Variants in PDE1C observed in about 807,000 individuals in gnomAD.
The protein encoded by PDE1C is dual specificity calcium/calmodulin-dependent 3',5'-cyclic nucleotide phosphodiesterase 1C.
In PDE1C, 62 loss-of-function variants were observed where a neutral mutation model predicts 93.1. The ratio of observed to expected loss-of-function variants is 0.67; its 90% confidence interval spans 0.54 to 0.82. PDE1C has a LOEUF of 0.82. Ranked by LOEUF, PDE1C falls within the 40% of genes least tolerant of loss-of-function variation. The pLI is 0.00. For missense variants in PDE1C, 742 were observed against 884.6 expected, an observed-to-expected ratio of 0.84 and a Z score of 2.04; for synonymous variants, 325 against 310.1, an observed-to-expected ratio of 1.05 and a Z score of -0.50.
chr7:32,362,223 A>G (rs1243459504), intron 1 of PDE1C, among the ~76,000 whole-genome samples: 3 of 152,074 alleles, frequency 2.0e-5, no homozygotes, highest in African/African-American at 7.2e-5. Context: ...GCGTGTGTGC[A>G]TGGATGGAGT....
intron 1 of PDE1C, among the ~76,000 whole-genome samples, chr7:32,420,882 G>C (rs1422189200): frequency 1.3e-5 from 2 of 152,034 alleles, no homozygotes; most frequent in African/African-American, 2.4e-5. Context: ...CCGTTTTCCT[G>C]ATCTCAGCCA....
chr7:32,366,350 T>C (rs1784228421), intron 1 of PDE1C, among the ~76,000 whole-genome samples: 1 of 152,066 alleles, frequency 6.6e-6, no homozygotes, highest in Non-Finnish European at 1.5e-5. Context: ...TTTCTGAACT[T>C]GGAGACAGGT....
At chr7:31,784,083 T>C (rs1363307716) in intron 16 of PDE1C, 1 of 152,202 alleles carries the variant, frequency 6.6e-6, no homozygotes, top group Non-Finnish European at 1.5e-5. Flanking sequence ...TCTTGCTAAA[T>C]GTTCTTGATA....
At chr7:31,959,269 G>T (rs1290578954) in intron 2 of PDE1C, among the ~76,000 whole-genome samples, 1 of 152,120 alleles carries the variant, frequency 6.6e-6, no homozygotes, top group Non-Finnish European at 1.5e-5. Flanking sequence ...GGAATGCAGT[G>T]GCTCAATCTC....
chr7:32,194,945 G>C (rs187882594), intron 2 of PDE1C, among the ~76,000 whole-genome samples: 60 of 151,118 alleles, frequency 4.0e-4, no homozygotes, highest in African/African-American at 1.2e-3. Context: ...CTCAATAGTT[G>C]TACTAGATAT....
chr7:31,864,066 T>C (rs1339391453), intron 7 of PDE1C, among the ~76,000 whole-genome samples: 2 of 152,140 alleles, frequency 1.3e-5, no homozygotes, highest in Admixed American at 6.5e-5. Flanking sequence ...CTAAAGGAGA[T>C]TTCGAAGTAA....
At chr7:31,760,734 A>G (rs943001224) in intron 17 of PDE1C, among the ~76,000 whole-genome samples, 4 of 149,828 alleles carry the variant, frequency 2.7e-5, no homozygotes, top group African/African-American at 9.9e-5. Flanking sequence ...ACTTTCTCCT[A>G]TAGACACTTT....
chr7:31,857,516 A>C (rs545591143), intron 7 of PDE1C, among the ~76,000 whole-genome samples: 4 of 152,262 alleles, frequency 2.6e-5, no homozygotes, highest in Non-Finnish European at 5.9e-5. Context: ...TTGCAAAGGT[A>C]CATCAGCCAT....
Position 32,193,790 on chromosome 7 carries a change from G to C in PDE1C, c.136+15699C>G, listed in dbSNP as rs527719979. 2.0e-3 allele frequency among the ~76,000 whole-genome samples: 301 copies of C among 152,168 alleles called. 1 individual carries two copies. Among genetic ancestry groups the C allele is most frequent in the African/African-American group, 6.9e-3 (287 of 41,530 alleles). On this transcript the variant is annotated intron_variant, in intron 2 of 18. Transcript: ENST00000396193. Reference sequence around the variant, plus strand: ...ACCATGTGGACTCAAGAGATTGCGGGGGGAGGACAGCTTTTTATTACATAC... The same window carrying C: ...ACCATGTGGACTCAAGAGATTGCGGCGGGAGGACAGCTTTTTATTACATAC...
rs1351875562 is a variant in PDE1C, at chr7:31,752,060, G to C, written c.*1324C>G. The C allele has an allele frequency of 2.0e-5, 3 of 152,196 alleles. No homozygotes were observed. The highest frequency in any genetic ancestry group is 4.4e-5 in the Non-Finnish European group (3 of 68,044). The allele number at this position is 152,196 out of a possible 1,614,324, so 9.4% of individuals were successfully genotyped here. On this transcript the variant is annotated 3_prime_UTR_variant, in exon 18 of 18. Transcript: ENST00000396191. ...TCATTAATCTTCAATACAAAGTGCA[G>C]AGTGTGTATATGAATCCTAGTTTCT...
intron 2 of PDE1C, among the ~76,000 whole-genome samples, chr7:32,011,929 C>T (rs949268308): frequency 1.3e-5 from 2 of 152,058 alleles, no homozygotes; most frequent in Non-Finnish European, 2.9e-5. Flanking sequence ...AACCCAAATG[C>T]CAGCCAACAG....
At position 32,415,666 on chromosome 7, in the gene PDE1C, G is replaced by A. The variant is rs7782749; in HGVS notation, c.310+12156C>T. ...TCCCTACATTAGGGAGCCTGAATCC[G>A]AGGACTGGGGATAACAGAACAAAAG... On this transcript the variant is annotated intron_variant, in intron 1 of 1. Coordinates refer to the PDE1C transcript ENST00000672256. Among the ~76,000 whole-genome samples the A allele has an allele frequency of 7.2e-5, 11 of 151,880 alleles. No homozygotes were observed. In the East Asian group the frequency reaches 1.4e-3, roughly 19 times the overall value.
intron 17 of PDE1C, among the ~76,000 whole-genome samples, chr7:31,770,649 T>G (rs1426422875): frequency 1.3e-5 from 2 of 152,160 alleles, no homozygotes; most frequent in Admixed American, 6.5e-5. Flanking sequence ...GTAGTGGGAT[T>G]ACAGGCACCC....
chr7:32,007,972 T>A (rs1786507972), intron 2 of PDE1C, among the ~76,000 whole-genome samples: 1 of 152,230 alleles, frequency 6.6e-6, no homozygotes, highest in South Asian at 2.1e-4. Context: ...TTCAGAGAAC[T>A]TTTAAGATAA....
intron 3 of PDE1C, among the ~76,000 whole-genome samples, chr7:32,102,442 G>A (rs1798086662): frequency 6.6e-6 from 1 of 152,170 alleles, no homozygotes; most frequent in African/African-American, 2.4e-5. Context: ...TAACCTCCCT[G>A]AAACTCAGCT....
At chr7:32,333,353 T>C (rs11768318) in intron 1 of PDE1C, among the ~76,000 whole-genome samples, 1 of 152,168 alleles carries the variant, frequency 6.6e-6, no homozygotes, top group Non-Finnish European at 1.5e-5. Flanking sequence ...TTCAATGTAG[T>C]GTTTTAAACA....
chr7:31,949,504 C>T (rs762229667), intron 2 of PDE1C, among the ~76,000 whole-genome samples: 22 of 151,986 alleles, frequency 1.4e-4, no homozygotes, highest in Admixed American at 3.3e-4. Flanking sequence ...TGCCACTTTT[C>T]CTCTGTTCTT....
upstream of PDE1C, among the ~76,000 whole-genome samples, chr7:32,303,293 A>G (rs889104861): frequency 6.6e-6 from 1 of 152,202 alleles, no homozygotes; most frequent in African/African-American, 2.4e-5. Context: ...GACTCCCTTC[A>G]AGAAGGGAAG....
intron 3 of PDE1C, among the ~76,000 whole-genome samples, chr7:32,151,697 TC>T (rs1346991451): frequency 6.6e-6 from 1 of 152,158 alleles, no homozygotes; most frequent in Admixed American, 6.5e-5. Context: ...TGCAAACTAA[TC>T]TATATAATCA....
Sources: allele counts gnomAD v4.1 joint callset (sites outside exome capture counted in the v4.1 genomes callset), GRCh38; gene constraint gnomAD v4.1.1; transcripts MANE v1.5; gene names NCBI Gene and HGNC (gene_info 2026-07-23, HGNC 2026-07-21).